Variants in MCTP1 observed in about 807,000 individuals in gnomAD.
MCTP1 encodes multiple C2 and transmembrane domain containing 1.
In MCTP1, 69 loss-of-function variants were observed where a neutral mutation model predicts 120.6. The ratio of observed to expected loss-of-function variants is 0.57; its 90% CI spans 0.47 to 0.70. The LOEUF is 0.70. Among genes scored for constraint, MCTP1 ranks in the 30% least tolerant of loss-of-function variants. The pLI, the probability that MCTP1 is intolerant of heterozygous loss-of-function variation, is 0.00. For synonymous variants in MCTP1, 529 were observed against 493.1 expected, an observed-to-expected ratio of 1.07 and a Z score of -0.96; for missense variants, 1,203 against 1,248.8, an observed-to-expected ratio of 0.96 and a Z score of 0.55.
At chr5:94,899,537 C>T (rs577040040) in intron 10 of MCTP1, among the ~76,000 whole-genome samples, 5 of 152,296 alleles carry the variant, frequency 3.3e-5, no homozygotes, top group African/African-American at 4.8e-5. Context: ...TTCTGCACTT[C>T]GATAGGAAGC....
At chr5:94,991,570 A>C (rs450767) in intron 2 of MCTP1, among the ~76,000 whole-genome samples, 5 of 152,072 alleles carry the variant, frequency 3.3e-5, no homozygotes, top group Non-Finnish European at 2.9e-5. Context: ...TTAGTGTGAC[A>C]TTTAAGAAGA....
At chr5:95,176,596 T>C (rs1748011325) in intron 1 of MCTP1, among the ~76,000 whole-genome samples, 1 of 151,976 alleles carries the variant, frequency 6.6e-6, no homozygotes, top group South Asian at 2.1e-4. Context: ...AAAATACATA[T>C]ACATACTTTG....
chr5:94,893,908 C>A (rs933995704), intron 11 of MCTP1, among the ~76,000 whole-genome samples: 5 of 152,138 alleles, frequency 3.3e-5, no homozygotes, highest in African/African-American at 1.2e-4. Flanking sequence ...GGTACTAAGG[C>A]ATTTACTTTT....
At chr5:95,238,833 C>G (rs998924667) in intron 1 of MCTP1, among the ~76,000 whole-genome samples, 1 of 152,260 alleles carries the variant, frequency 6.6e-6, no homozygotes, top group African/African-American at 2.4e-5. Context: ...ACACTGCCAC[C>G]AGCATACATA....
At chr5:94,938,561 A>T (rs771223716) in intron 5 of MCTP1, among the ~76,000 whole-genome samples, 3 of 151,848 alleles carry the variant, frequency 2.0e-5, no homozygotes, top group African/African-American at 7.3e-5. Context: ...GCTAGTAAAA[A>T]TTTTCCTATA....
intron 18 of MCTP1, among the ~76,000 whole-genome samples, chr5:94,797,445 G>A (rs1258092815): frequency 2.6e-5 from 4 of 152,154 alleles, no homozygotes; most frequent in Non-Finnish European, 5.9e-5. Flanking sequence ...AAAAGCAATT[G>A]TCTGAAAGAG....
At chr5:94,757,568 G>C (rs1258172820) in intron 19 of MCTP1, among the ~76,000 whole-genome samples, 1 of 152,192 alleles carries the variant, frequency 6.6e-6, no homozygotes, top group East Asian at 1.9e-4. Context: ...CTGAGGTTAT[G>C]ATGGGACAAT....
intron 17 of MCTP1, among the ~76,000 whole-genome samples, chr5:94,828,679 T>C (rs760519587): frequency 6.6e-6 from 1 of 152,202 alleles, no homozygotes; most frequent in African/African-American, 2.4e-5. Context: ...AGAGCGGCAG[T>C]CTGGCTACAG....
At chr5:95,271,668 C>G (rs564784081) in intron 1 of MCTP1, among the ~76,000 whole-genome samples, 1 of 151,976 alleles carries the variant, frequency 6.6e-6, no homozygotes, top group Non-Finnish European at 1.5e-5. Context: ...AAGTATGATA[C>G]ACACTTACAG....
chr5:94,874,749 C>A (rs954891419), intron 12 of MCTP1, among the ~76,000 whole-genome samples: 2 of 152,112 alleles, frequency 1.3e-5, no homozygotes, highest in Non-Finnish European at 2.9e-5. Flanking sequence ...ATATTTTGTT[C>A]ATTAAAACAC....
intron 1 of MCTP1, among the ~76,000 whole-genome samples, chr5:95,162,291 G>A (rs1016693765): frequency 1.3e-5 from 2 of 152,120 alleles, no homozygotes; most frequent in Non-Finnish European, 2.9e-5. Context: ...AGACAAGGGT[G>A]CCTCATCACT....
At chr5:95,185,627 A>G (rs760459878) in intron 1 of MCTP1, among the ~76,000 whole-genome samples, 4 of 152,134 alleles carry the variant, frequency 2.6e-5, no homozygotes, top group Non-Finnish European at 4.4e-5. Context: ...TACTAAAAAT[A>G]GAAAATTAGC....
chr5:94,914,818 GTAAT>G (rs1300990103), intron 8 of MCTP1, among the ~76,000 whole-genome samples: 2 of 152,198 alleles, frequency 1.3e-5, no homozygotes, highest in African/African-American at 4.8e-5. Context: ...TCAGATGAAA[GTAAT>G]TGTTTAGAAT....
At chr5:95,247,040 A>T (rs1756873175) in intron 1 of MCTP1, among the ~76,000 whole-genome samples, 1 of 152,158 alleles carries the variant, frequency 6.6e-6, no homozygotes, top group Non-Finnish European at 1.5e-5. Context: ...TTTGGTTGGT[A>T]AGCTATTAAT....
At chr5:95,245,068 T>C (rs10068165) in intron 1 of MCTP1, among the ~76,000 whole-genome samples, 24,212 of 152,052 alleles carry the variant, frequency 0.16, 2,027 homozygotes, top group Non-Finnish European at 0.19. Flanking sequence ...CAAACTCCAA[T>C]AGACCTACAG....
chr5:94,753,476 G>A (rs374755712), intron 19 of MCTP1, among the ~76,000 whole-genome samples: 1 of 152,114 alleles, frequency 6.6e-6, no homozygotes, highest in Non-Finnish European at 1.5e-5. Context: ...TCGTGTAAAG[G>A]TTGTTTTAGA....
chr5:94,861,222 C>T (rs899801249), intron 17 of MCTP1, among the ~76,000 whole-genome samples: 2 of 151,798 alleles, frequency 1.3e-5, no homozygotes, highest in African/African-American at 4.8e-5. Context: ...CTGTGTCTAT[C>T]CCAATTCTCA....
chr5:94,900,194 G>T (rs2153417040), intron 10 of MCTP1, among the ~76,000 whole-genome samples: 1 of 152,288 alleles, frequency 6.6e-6, no homozygotes, highest in Non-Finnish European at 1.5e-5. Context: ...CTTTATGTTT[G>T]GACAAGGCAT....
At chr5:94,873,002 T>C in intron 13 of MCTP1, 137 bp downstream of exon 13, 3 of 624,512 alleles carry the variant, frequency 4.8e-6, no homozygotes, top group South Asian at 1.9e-5. Flanking sequence ...AAATTCATTG[T>C]TGTTAGCAAA....
Sources: gnomAD v4.1 joint callset for allele counts (sites outside exome capture counted in the v4.1 genomes callset) on GRCh38, gnomAD v4.1.1 for gene constraint, MANE v1.5 for transcripts, NCBI Gene and HGNC (gene_info 2026-07-23, HGNC 2026-07-21) for gene names.